TTBK1: variants seen among roughly 807,000 people sequenced by gnomAD.
The protein encoded by TTBK1 is tau tubulin kinase 1.
A neutral mutation model predicts 108.5 loss-of-function variants in TTBK1; 34 were observed. The observed-to-expected ratio is 0.31, with a 90% CI of 0.24 to 0.42. The LOEUF is 0.42. TTBK1 is among the 10% of genes least tolerant of loss of function. TTBK1 has a pLI of 1.00. For synonymous variants in TTBK1, 809 were observed against 795.1 expected, an observed-to-expected ratio of 1.02 and a Z score of -0.29; for missense variants, 1,539 against 1,826.0, an observed-to-expected ratio of 0.84 and a Z score of 2.86.
At chr6:43,262,759 T>C (rs1398325732) in intron 12 of TTBK1, 30 bp from the exon 13 acceptor site, 1 of 1,506,526 alleles carries the variant, frequency 6.6e-7, no homozygotes, top group Non-Finnish European at 8.9e-7. Context: ...TGGGGCCAGG[T>C]ATTGAGCCCC....
At chr6:43,254,520 A>C in intron 5 of TTBK1, 27 bp from the exon 6 acceptor site, 3 of 1,526,630 alleles carry the variant, frequency 2.0e-6, no homozygotes, top group Non-Finnish European at 2.6e-6. Flanking sequence ...TGGGGCCCCC[A>C]GAGCTCACAG....
At chr6:43,246,582 T>C in intron 1 of TTBK1, 25 bp from the exon 2 acceptor site, 1 of 1,178,252 alleles carries the variant, frequency 8.5e-7, no homozygotes, top group Non-Finnish European at 1.2e-6. Context: ...CAGCCCGCCC[T>C]CACAGGCCCT....
chr6:43,283,245 G>A lies in TTBK1; in HGVS notation c.2505G>A (p.Thr835=), dbSNP rs2150715450. Reference sequence around the variant, plus strand: ...TGGAGCCTGAGGAGGGCTCCAAAACGCTGGTGCTTGTCTCTCCTGGCGACA... The same window carrying A: ...TGGAGCCTGAGGAGGGCTCCAAAACACTGGTGCTTGTCTCTCCTGGCGACA... The part of the protein sequence containing the change: ...GDLEPEEGSK[T]LVLVSPGDMK... The change falls in exon 14 of 15, where the codon ACG becomes ACA. Residue 835 remains threonine, a synonymous_variant. Coordinates refer to ENST00000259750, the MANE Select transcript of TTBK1 (RefSeq NM_032538.3). The surrounding 1 kb of genome is among the most constrained non-coding windows in gnomAD (Gnocchi z 8.1). 6 of 1,552,610 alleles carry A rather than the reference G, an allele frequency of 3.9e-6. No individual in the cohort carries two copies. Among genetic ancestry groups the A allele is most frequent in the African/African-American group, 1.4e-5 (1 of 73,174 alleles).
chr6:43,271,812 A>G (rs1777841818), intron 13 of TTBK1: 1 of 975,746 alleles, frequency 1.0e-6, no homozygotes, highest in South Asian at 4.8e-5. Flanking sequence ...TGTCTGGGCC[A>G]AGAGCACCTT....
intron 13 of TTBK1, chr6:43,270,031 G>A: frequency 7.0e-7 from 1 of 1,423,268 alleles, no homozygotes; most frequent in Non-Finnish European, 9.1e-7. Context: ...TTCCCAGGAC[G>A]CAATAATCAC....
intron 10 of TTBK1, among the ~76,000 whole-genome samples, chr6:43,258,614 G>A (rs1777440303): frequency 6.6e-6 from 1 of 152,036 alleles, no homozygotes; most frequent in African/African-American, 2.4e-5. Context: ...AAAAATTTAA[G>A]TGTATATTCA....
chr6:43,286,596 G>C lies in TTBK1; in HGVS notation c.*1220G>C, dbSNP rs559947017. The C allele has an allele frequency of 1.3e-5, 2 of 152,572 alleles. No individual in the cohort carries two copies. Among genetic ancestry groups the C allele is most frequent in the African/African-American group, 4.8e-5 (2 of 41,574 alleles). The allele number at this position is 152,572 out of a possible 1,614,324, so 9.5% of individuals were successfully genotyped here. On this transcript the variant is annotated 3_prime_UTR_variant, in exon 15 of 15. Transcript: ENST00000259750. This position sits in a 1 kb window ranked among gnomAD's most constrained non-coding sequence, Gnocchi z 4.6. The stretch of plus-strand genomic sequence containing the variant: ...GGCAGAAAGGCCCTTCTAACTTCCA[G>C]ATTGTATGCTTGAGTGATGGGTCCC...
At chr6:43,271,969 G>C (rs1777846791) in intron 13 of TTBK1, 2 of 984,548 alleles carry the variant, frequency 2.0e-6, no homozygotes, top group South Asian at 4.7e-5. Flanking sequence ...CCCTGCTCAG[G>C]CAGTAGGCAG....
chr6:43,253,603 G>A lies in TTBK1; in HGVS notation c.366G>A (p.Pro122=), dbSNP rs55666504. The part of the protein sequence containing the change: ...RNLADLRRSQ[P]RGTFTLSTTL... Reference sequence around the variant, plus strand: ...TGGCCGACCTGCGCCGTAGCCAGCCGCGAGGCACCTTCACGCTGAGCACCA... The same window carrying A: ...TGGCCGACCTGCGCCGTAGCCAGCCACGAGGCACCTTCACGCTGAGCACCA... Residue 122 remains proline, a synonymous_variant, in exon 5 of 15, where the codon CCG becomes CCA. Coordinates refer to ENST00000259750, the MANE Select transcript of TTBK1 (RefSeq NM_032538.3). The surrounding 1 kb of genome is among the most constrained non-coding windows in gnomAD (Gnocchi z 5.8). 1.5e-4 allele frequency: 235 copies of A among 1,612,754 alleles called. No homozygotes were observed. In the East Asian group the frequency reaches 4.4e-3, roughly 30 times the overall value.
Position 43,284,080 on chromosome 6 carries a change from A to G in TTBK1, c.3340A>G (p.Ser1114Gly), listed in dbSNP as rs1234606466. ...RLASGASSSS[S>G]EEQRRASETL... ...GGCCTCAGGGGCCTCGTCCTCCTCC[A>G]GTGAGGAGCAGCGCCGTGCCTCTGA... The change falls in exon 14 of 15, where the codon AGT (serine) becomes GGT (glycine). Residue 1114 changes from serine (S) to glycine (G), a missense_variant. By Grantham distance (56) the Ser-to-Gly change is moderately conservative (BLOSUM62 0). Coordinates refer to ENST00000259750, the MANE Select transcript of TTBK1 (RefSeq NM_032538.3). The G allele has an allele frequency of 1.3e-6, 2 of 1,539,084 alleles. No homozygotes were observed. Among genetic ancestry groups the G allele is most frequent in the African/African-American group, 1.4e-5 (1 of 72,942 alleles).
intron 10 of TTBK1, among the ~76,000 whole-genome samples, chr6:43,258,774 C>T (rs1268692147): frequency 1.3e-5 from 2 of 152,200 alleles, no homozygotes; most frequent in African/African-American, 4.8e-5. Flanking sequence ...CTGGCAGGTC[C>T]TTGAACGACA....
At chr6:43,281,655 G>T (rs533698386) in intron 13 of TTBK1, among the ~76,000 whole-genome samples, 9 of 152,292 alleles carry the variant, frequency 5.9e-5, no homozygotes, top group African/African-American at 1.9e-4. Context: ...GCAGGAAAGT[G>T]GGGAGGCAGG....
intron 12 of TTBK1, among the ~76,000 whole-genome samples, chr6:43,261,851 C>T (rs537132395): frequency 6.6e-6 from 1 of 151,844 alleles, no homozygotes; most frequent in South Asian, 2.1e-4. Flanking sequence ...AAGAGATGTC[C>T]CAAGGCAGGA....
rs1777469549 is a variant in TTBK1 at position 43,259,392 on chromosome 6, C to T, written c.1248+123C>T. ...CCGGCCATCTGCCTGCTTGCCCTGC[C>T]TCTGTTTCCCGGTCCCTCCCCGCAC... On this transcript the variant is annotated intron_variant, in intron 11 of 14. Transcript: ENST00000259750. The surrounding 1 kb of genome is among the most constrained non-coding windows in gnomAD (Gnocchi z 6.7). The T allele has an allele frequency of 1.6e-6, 2 of 1,270,538 alleles. No homozygotes were observed. Among genetic ancestry groups the T allele is most frequent in the East Asian group, 2.5e-5 (1 of 40,132 alleles). The allele number at this position is 1,270,538 out of a possible 1,614,324, so 78.7% of individuals were successfully genotyped here.
In TTBK1 at chr6:43,285,624, C is replaced by T. The variant is rs1036459964; in HGVS notation, c.*248C>T. 3.8e-5 allele frequency: 13 copies of T among 343,652 alleles called. No homozygotes were observed. The highest frequency in any genetic ancestry group is 6.5e-5 in the African/African-American group (3 of 46,486). 21.3% of individuals were successfully genotyped at this position (343,652 alleles called of 1,614,324 possible). A position where few individuals can be genotyped will look rare whatever the true frequency, so the allele number is the denominator to read the frequency against. ...CCTCCCCTTCCTCGCCCTGTGTCCT[C>T]TCATCCTCCCGCCGCCCGTCAGGCC... On this transcript the variant is annotated 3_prime_UTR_variant, in exon 15 of 15. Coordinates refer to ENST00000259750, the MANE Select transcript of TTBK1 (RefSeq NM_032538.3). This position sits in a 1 kb window ranked among gnomAD's most constrained non-coding sequence, Gnocchi z 4.7.
rs1433276926 is a variant in TTBK1 at position 43,273,227 on chromosome 6, T to A, written c.1987-9500T>A. 1.3e-5 allele frequency among the ~76,000 whole-genome samples: 2 copies of A among 152,136 alleles called. No homozygotes were observed. The highest frequency in any genetic ancestry group is 2.9e-5 in the Non-Finnish European group (2 of 68,020). The stretch of plus-strand genomic sequence containing the variant: ...CTTGTTTGACAGAGTTTGTGAAACA[T>A]CTTGGTCTATGTATTGGTTGATTGA... On this transcript the variant is annotated intron_variant, in intron 13 of 14. Coordinates refer to ENST00000259750, the MANE Select transcript of TTBK1 (RefSeq NM_032538.3). The surrounding 1 kb of genome is among the most constrained non-coding windows in gnomAD (Gnocchi z 4.2).
Position 43,257,757 on chromosome 6 carries a change from C to T in TTBK1, c.862-55C>T. The T allele has an allele frequency of 1.9e-6, 3 of 1,564,394 alleles. No individual in the cohort carries two copies. Among genetic ancestry groups the T allele is most frequent in the South Asian group, 1.2e-5 (1 of 83,660 alleles). ...ATGATCCCAGCAACTGCCCCTTCCTCCTGGCTAGCCCCCGGATCACCTCTC... is the reference window on the plus strand; with the variant it reads ...ATGATCCCAGCAACTGCCCCTTCCTTCTGGCTAGCCCCCGGATCACCTCTC... On this transcript the variant is annotated intron_variant, in intron 9 of 14. Transcript: ENST00000259750. The surrounding 1 kb of genome is among the most constrained non-coding windows in gnomAD (Gnocchi z 4.5).
intron 12 of TTBK1, among the ~76,000 whole-genome samples, chr6:43,261,281 G>A (rs1777534053): frequency 6.6e-6 from 1 of 152,196 alleles, no homozygotes; most frequent in Admixed American, 6.5e-5. Flanking sequence ...TGCTGGGGGA[G>A]AATGAAAGTC....
chr6:43,260,972 T>G (rs1054861087), intron 12 of TTBK1, among the ~76,000 whole-genome samples: 2 of 151,806 alleles, frequency 1.3e-5, no homozygotes, highest in African/African-American at 4.8e-5. Flanking sequence ...CAAGCACCAC[T>G]AGCCCTGAGC....
Sources: gnomAD v4.1 joint callset for allele counts (sites outside exome capture counted in the v4.1 genomes callset) on GRCh38, gnomAD v4.1.1 for gene constraint, Gnocchi (gnomAD v3.1) non-coding constraint, MANE v1.5 for transcripts, NCBI Gene and HGNC (gene_info 2026-07-23, HGNC 2026-07-21) for gene names.